The following ASCC3 variants were observed in gnomAD, a reference collection of about 807,000 sequenced individuals.
ASCC3 encodes activating signal cointegrator 1 complex subunit 3, also known as ASC-1 complex subunit P200.
ASCC3 carries 158 observed loss-of-function variants against 256.3 expected under a neutral mutation model. The observed-to-expected ratio is 0.62, with a 90% CI of 0.54 to 0.70. ASCC3 has a LOEUF of 0.70. Ranked by LOEUF, ASCC3 falls within the 30% of genes least tolerant of loss-of-function variation. ASCC3 has a pLI of 0.00. For missense variants in ASCC3, 2,259 were observed against 2,626.0 expected (o/e 0.86, Z 3.05); for synonymous variants, 948 against 883.4 (o/e 1.07, Z -1.30).
chr6:100,742,025 C>T (rs7451736), intron 10 of ASCC3, among the ~76,000 whole-genome samples: 73,357 of 151,880 alleles, frequency 0.48, 17,739 homozygotes, highest in South Asian at 0.68. Context: ...TTTGAGGTTG[C>T]TGATCTCTGA....
chr6:100,668,125 A>G (rs1471141940), intron 14 of ASCC3, among the ~76,000 whole-genome samples: 1 of 152,088 alleles, frequency 6.6e-6, no homozygotes, highest in African/African-American at 2.4e-5. Flanking sequence ...TGCTTGAGCT[A>G]CAACAGGAGG....
At chr6:100,552,751 G>A (rs1272607065) in intron 36 of ASCC3, among the ~76,000 whole-genome samples, 1 of 151,592 alleles carries the variant, frequency 6.6e-6, no homozygotes, top group African/African-American at 2.4e-5. Context: ...AAAAAAAAAA[G>A]TATTATGGAG....
intron 30 of ASCC3, among the ~76,000 whole-genome samples, chr6:100,608,035 T>C (rs432965): frequency 7.9e-6 from 1 of 126,726 alleles, no homozygotes; most frequent in African/African-American, 2.8e-5. Context: ...TATATATTTA[T>C]ATATACATAC....
intron 36 of ASCC3, among the ~76,000 whole-genome samples, chr6:100,571,675 G>T (rs11155498): frequency 3.3e-5 from 5 of 152,122 alleles, no homozygotes; most frequent in South Asian, 4.2e-4. Context: ...AGGCTCAGAG[G>T]GTAAGTACCA....
At chr6:100,690,301 CT>C (rs34807833) in intron 13 of ASCC3, among the ~76,000 whole-genome samples, 1 of 152,126 alleles carries the variant, frequency 6.6e-6, no homozygotes, top group South Asian at 2.1e-4. Flanking sequence ...TGCAACCATT[CT>C]TTTTTTCCTC....
chr6:100,878,335 G>GA (rs1322968665), intron 1 of ASCC3, among the ~76,000 whole-genome samples: 2 of 152,132 alleles, frequency 1.3e-5, no homozygotes, highest in East Asian at 3.9e-4. Context: ...AAAGGTGGGG[G>GA]AAAAAAATCC....
chr6:100,666,157 T>C (rs1776463266), intron 14 of ASCC3, among the ~76,000 whole-genome samples: 1 of 152,170 alleles, frequency 6.6e-6, no homozygotes, highest in African/African-American at 2.4e-5. Context: ...CTCATTCCTT[T>C]TTATTGCTGA....
intron 10 of ASCC3, among the ~76,000 whole-genome samples, chr6:100,729,252 TAAG>T (rs1018736522): frequency 1.3e-5 from 2 of 151,498 alleles, no homozygotes; most frequent in Non-Finnish European, 2.9e-5. Context: ...GAGAAAGAGA[TAAG>T]GAGGGAGAGA....
Position 100,510,086 on chromosome 6 carries a change from C to A in ASCC3, c.6307G>T (p.Val2103Phe), listed in dbSNP as rs755886012. Residue 2103 changes from valine (V) to phenylalanine (F), a missense_variant, in exon 41 of 42, where the codon GTT (valine) becomes TTT (phenylalanine). By Grantham distance (50) the Val-to-Phe change is conservative. This residue lies in a region of ASCC3 where 1,839 missense variants were observed against 2,206.7 expected (regional missense o/e 0.83). Transcript: ENST00000369162. ...TTTGATTTGGGAAATCGAGGAGTAA[C>A]TGCACAGCTCTCTGGCTTTCCCTGT... ...FHKGKPESCA[V>F]TPRFPKSKDE... The A allele has an allele frequency of 3.7e-6, 6 of 1,614,044 alleles. No individual in the cohort carries two copies. The highest frequency in any genetic ancestry group is 2.2e-5 in the East Asian group (1 of 44,874).
rs185529139 is a variant in ASCC3 at position 100,677,980 on chromosome 6, T to G, written c.2286+1638A>C. ...CATTTTAAAATATCTCCATATAAAT[T>G]ATTATAATATGCTCTAGAATATTTC... On this transcript the variant is annotated intron_variant, in intron 14 of 41. Coordinates refer to ENST00000369162, the MANE Select transcript of ASCC3 (RefSeq NM_006828.4). Among the ~76,000 whole-genome samples the G allele has an allele frequency of 1.3e-3, 196 of 152,166 alleles. 1 individual carries two copies. Among genetic ancestry groups the G allele is most frequent in the African/African-American group, 4.5e-3 (186 of 41,536 alleles).
At chr6:100,856,242 G>T (rs1425241243) in intron 3 of ASCC3, 3 of 328,320 alleles carry the variant, frequency 9.1e-6, no homozygotes, top group Non-Finnish European at 1.3e-5. Context: ...TGAGCTGAAT[G>T]TATTCCTAAT....
At chr6:100,608,173 T>TATGTATATATAG (rs1491168465) in intron 30 of ASCC3, among the ~76,000 whole-genome samples, 5 of 105,424 alleles carry the variant, frequency 4.7e-5, no homozygotes, top group Non-Finnish European at 7.2e-5. Context: ...TATACATATT[T>TATGTATATATAG]ATATATGTGT....
chr6:100,611,872 A>G (rs1462440666), intron 30 of ASCC3, among the ~76,000 whole-genome samples: 4 of 151,948 alleles, frequency 2.6e-5, no homozygotes, highest in Non-Finnish European at 5.9e-5. Context: ...GAATTAAAAA[A>G]AAAAACCATG....
intron 10 of ASCC3, among the ~76,000 whole-genome samples, chr6:100,753,315 C>A (rs60658003): frequency 0.48 from 71,664 of 149,424 alleles, 17,337 homozygotes; most frequent in South Asian, 0.68. Context: ...CAAAACAAAA[C>A]AAAACATTTA....
At chr6:100,639,098 T>C (rs1197414409) in intron 24 of ASCC3, among the ~76,000 whole-genome samples, 3 of 152,224 alleles carry the variant, frequency 2.0e-5, no homozygotes, top group African/African-American at 7.2e-5. Flanking sequence ...GAAAGTCATT[T>C]GAATAACAAG....
intron 30 of ASCC3, among the ~76,000 whole-genome samples, chr6:100,612,806 T>A (rs1773473686): frequency 6.6e-6 from 1 of 151,938 alleles, no homozygotes; most frequent in South Asian, 2.1e-4. Context: ...GTATCAATAC[T>A]CCCAAAATTT....
intron 8 of ASCC3, among the ~76,000 whole-genome samples, chr6:100,786,371 CT>C (rs1324153572): frequency 1.3e-5 from 2 of 152,104 alleles, no homozygotes; most frequent in Non-Finnish European, 2.9e-5. Context: ...ATGAAATTCT[CT>C]TGTTTAAGGA....
intron 10 of ASCC3, among the ~76,000 whole-genome samples, chr6:100,733,252 G>A (rs1779990903): frequency 6.6e-6 from 1 of 152,144 alleles, no homozygotes; most frequent in African/African-American, 2.4e-5. Flanking sequence ...CTATTCTGGA[G>A]ACCGAATGAC....
At position 100,725,529 on chromosome 6, in the gene ASCC3, T is replaced by G; in HGVS notation, c.1902+10A>C. 1 of 1,611,738 alleles carries G rather than the reference T, an allele frequency of 6.2e-7. No individual in the cohort carries two copies. On this transcript the variant is annotated intron_variant, in intron 11 of 41. Transcript: ENST00000369162. ...CCTTCAAAATAAGCTTATACATAAC[T>G]TCCTCTTACCTGCCGTAAAGTACGG...
Sources: allele counts gnomAD v4.1 joint callset (sites outside exome capture counted in the v4.1 genomes callset), GRCh38; gene constraint gnomAD v4.1.1; regional missense constraint gnomAD v4.1.1; transcripts MANE v1.5; gene names NCBI Gene and HGNC (gene_info 2026-07-23, HGNC 2026-07-21).